Variants in RIMS2 observed in about 807,000 individuals in gnomAD.
RIMS2 encodes the protein regulating synaptic membrane exocytosis 2, also known as regulating synaptic membrane exocytosis protein 2.
In RIMS2, 59 loss-of-function variants were observed where a neutral mutation model predicts 174.4. The ratio of observed to expected loss-of-function variants is 0.34; its 90% CI spans 0.27 to 0.42. The LOEUF is 0.42. Ranked by LOEUF, RIMS2 falls within the 10% of genes least tolerant of loss-of-function variation. The pLI is 1.00. For synonymous variants in RIMS2, 606 were observed against 572.5 expected, an observed-to-expected ratio of 1.06 and a Z score of -0.84; for missense variants, 1,620 against 1,666.3, an observed-to-expected ratio of 0.97 and a Z score of 0.48.
intron 19 of RIMS2, among the ~76,000 whole-genome samples, chr8:104,183,878 T>A (rs918718314): frequency 6.6e-6 from 1 of 151,650 alleles, no homozygotes; most frequent in East Asian, 1.9e-4. Flanking sequence ...ACTTATCTTT[T>A]AAATTCTGGA....
chr8:104,197,878 T>C (rs1384484341), intron 19 of RIMS2, among the ~76,000 whole-genome samples: 1 of 151,762 alleles, frequency 6.6e-6, no homozygotes, highest in Non-Finnish European at 1.5e-5. Context: ...AGCCATCACA[T>C]TTTTTGTGTC....
At chr8:103,599,582 C>A (rs1454842680) in intron 1 of RIMS2, among the ~76,000 whole-genome samples, 1 of 151,404 alleles carries the variant, frequency 6.6e-6, no homozygotes, top group East Asian at 1.9e-4. Context: ...GGGACTATAG[C>A]TGCACACCAC....
chr8:103,552,113 T>A (rs1343176560), intron 1 of RIMS2, among the ~76,000 whole-genome samples: 3 of 152,138 alleles, frequency 2.0e-5, no homozygotes, highest in Admixed American at 6.5e-5. Flanking sequence ...TTAAAGTTCA[T>A]ATAGAACCAA....
At chr8:104,248,891 T>TTCTCTCTCTCTCTCTATC (rs2099348796) in intron 21 of RIMS2, 78 bp downstream of exon 27, 1 of 504,824 alleles carries the variant, frequency 2.0e-6, no homozygotes, top group Non-Finnish European at 3.6e-6. Flanking sequence ...TCATAGAATC[T>TTCTCTCTCTCTCTCTATC]TCTCTCTCTC....
At chr8:103,969,163 T>C (rs575119590) in intron 15 of RIMS2, among the ~76,000 whole-genome samples, 1 of 152,228 alleles carries the variant, frequency 6.6e-6, no homozygotes, top group South Asian at 2.1e-4. Context: ...TCTTTGTTGT[T>C]ATTATTTTGC....
At chr8:104,046,250 A>G (rs1051931831) in intron 19 of RIMS2, among the ~76,000 whole-genome samples, 3 of 151,972 alleles carry the variant, frequency 2.0e-5, no homozygotes, top group African/African-American at 7.2e-5. Flanking sequence ...ATATGAGAGA[A>G]GGGGCAATGG....
chr8:104,228,611 A>G (rs1396195795), intron 19 of RIMS2, among the ~76,000 whole-genome samples: 3 of 152,210 alleles, frequency 2.0e-5, no homozygotes, highest in Non-Finnish European at 4.4e-5. Flanking sequence ...TTCACACTGA[A>G]TATCAGTATA....
At chr8:103,616,417 T>C (rs541081161) in intron 1 of RIMS2, among the ~76,000 whole-genome samples, 1 of 152,200 alleles carries the variant, frequency 6.6e-6, no homozygotes, top group East Asian at 1.9e-4. Context: ...AACATTATAT[T>C]GAATGGACAA....
intron 19 of RIMS2, among the ~76,000 whole-genome samples, chr8:104,073,254 G>T (rs1185742645): frequency 6.6e-6 from 1 of 152,062 alleles, no homozygotes; most frequent in Non-Finnish European, 1.5e-5. Context: ...TGGATGATTT[G>T]ATAATGCTTA....
chr8:103,910,401 G>A (rs534519444), intron 5 of RIMS2: 1 of 1,597,664 alleles, frequency 6.3e-7, no homozygotes, highest in South Asian at 1.1e-5. Flanking sequence ...GAGACAAAAG[G>A]AAATGATGTA....
chr8:104,175,672 C>G (rs1477714832), intron 19 of RIMS2, among the ~76,000 whole-genome samples: 1 of 152,012 alleles, frequency 6.6e-6, no homozygotes, highest in Non-Finnish European at 1.5e-5. Flanking sequence ...TTGAAACTTA[C>G]TCATAAAGGT....
In RIMS2 at chr8:103,746,767, G is replaced by A. The variant is rs201652558; in HGVS notation, c.388-19460G>A. ...GCCATCTCGGCTCACTGCAACCTCC[G>A]CCTCCCGGGTTCAAGCGATTCTCCT... On this transcript the variant is annotated intron_variant, in intron 2 of 23. Transcript: ENST00000504942. Among the ~76,000 whole-genome samples, 34 of 151,898 alleles carry A rather than the reference G, an allele frequency of 2.2e-4. No individual in the cohort carries two copies. The East Asian group carries it at 3.7e-3, about 16-fold the overall frequency.
chr8:103,879,107 A>G (rs1461100562), intron 3 of RIMS2, among the ~76,000 whole-genome samples: 1 of 151,612 alleles, frequency 6.6e-6, no homozygotes, highest in South Asian at 2.1e-4. Context: ...TAAACACTCT[A>G]AAAAGAAAGG....
At chr8:104,118,247 A>G (rs2098311966) in intron 19 of RIMS2, among the ~76,000 whole-genome samples, 1 of 152,112 alleles carries the variant, frequency 6.6e-6, no homozygotes, top group Non-Finnish European at 1.5e-5. Context: ...AAGAACTTAT[A>G]AGAAGTATAT....
intron 19 of RIMS2, among the ~76,000 whole-genome samples, chr8:104,122,242 G>A (rs1165194394): frequency 6.6e-6 from 1 of 151,946 alleles, no homozygotes; most frequent in Non-Finnish European, 1.5e-5. Context: ...TGAGCTTTGT[G>A]GGTGATTGAA....
rs145334562 is a variant in RIMS2 at position 103,561,810 on chromosome 8, G to C, written c.176+60748G>C. ...ATTCGGGTGATAAAGACATACCTGAGACTGGGCAATTTACAAAAGAGAGGT... is the reference window on the plus strand; with the variant it reads ...ATTCGGGTGATAAAGACATACCTGACACTGGGCAATTTACAAAAGAGAGGT... On this transcript the variant is annotated intron_variant, in intron 1 of 23. Coordinates refer to ENST00000504942, the Ensembl canonical transcript of RIMS2. Among the ~76,000 whole-genome samples the C allele has an allele frequency of 7.9e-5, 12 of 152,270 alleles. No individual in the cohort carries two copies. The East Asian group carries it at 2.3e-3, about 29-fold the overall frequency.
chr8:103,978,239 A>C (rs936203833), intron 16 of RIMS2, among the ~76,000 whole-genome samples: 3 of 152,222 alleles, frequency 2.0e-5, no homozygotes, highest in African/African-American at 7.2e-5. Flanking sequence ...AGAAGATAGG[A>C]ATACATTTTA....
At chr8:104,176,768 G>A (rs1253489886) in intron 19 of RIMS2, among the ~76,000 whole-genome samples, 1 of 151,390 alleles carries the variant, frequency 6.6e-6, no homozygotes, top group Non-Finnish European at 1.5e-5. Flanking sequence ...ATAATTGAAT[G>A]ACAGCCATAT....
chr8:103,551,252 C>G (rs1024282296), intron 1 of RIMS2, among the ~76,000 whole-genome samples: 1 of 152,094 alleles, frequency 6.6e-6, no homozygotes, highest in Non-Finnish European at 1.5e-5. Flanking sequence ...TTATCCACCA[C>G]GATCAAGTGG....
Sources: allele counts gnomAD v4.1 joint callset (sites outside exome capture counted in the v4.1 genomes callset), GRCh38; gene constraint gnomAD v4.1.1; transcripts MANE v1.5; gene names NCBI Gene and HGNC (gene_info 2026-07-23, HGNC 2026-07-21).